MFSD2B: variants seen among roughly 807,000 people sequenced by gnomAD.
The protein encoded by MFSD2B is MFSD2 lysolipid transporter B, sphingolipid, also known as sphingosine-1-phosphate transporter MFSD2B.
Under a neutral mutation model 58.4 loss-of-function variants are expected in MFSD2B, and 56 were observed. That is an observed-to-expected ratio of 0.96 (90% confidence interval 0.77 to 1.20). The LOEUF (loss-of-function observed/expected upper bound fraction) is 1.20. Among genes scored for constraint, MFSD2B ranks in the 50% most tolerant of loss-of-function variants. MFSD2B has a pLI of 0.00. For synonymous variants in MFSD2B, 287 were observed against 294.4 expected (o/e 0.97, Z 0.26); for missense variants, 645 against 667.6 (o/e 0.97, Z 0.37).
chr2:24,014,324 T>C (rs1182474889), intron 2 of MFSD2B, among the ~76,000 whole-genome samples: 1 of 152,150 alleles, frequency 6.6e-6, no homozygotes, highest in African/African-American at 2.4e-5. Flanking sequence ...CAGCTAATTT[T>C]TGTGTTTTTA....
At chr2:24,013,140 G>T in intron 1 of MFSD2B, 145 bp from the exon 2 acceptor site, 2 of 680,970 alleles carry the variant, frequency 2.9e-6, no homozygotes, top group South Asian at 9.9e-5. Context: ...CTCTTAGGAT[G>T]ACATGGGGGC....
chr2:24,015,388 G>A (rs1709104318), intron 2 of MFSD2B, among the ~76,000 whole-genome samples: 1 of 152,090 alleles, frequency 6.6e-6, no homozygotes, highest in African/African-American at 2.4e-5. Context: ...AGAGGCAGTG[G>A]TTGCAGTGAG....
rs926169860 is a variant in MFSD2B at position 24,024,082 on chromosome 2, G to C, written c.1314-13G>C. The C allele has an allele frequency of 1.9e-6, 3 of 1,612,806 alleles. No homozygotes were observed. The South Asian group carries it at 3.3e-5, about 18-fold the overall frequency. ...GCAGGCCCTGCCCTAATGGCTGGCT[G>C]ATGTTTCTCCAGGTTCTCGGGGTAT... On this transcript the variant is annotated splice_polypyrimidine_tract_variant and intron_variant, in intron 12 of 13. Coordinates refer to ENST00000338315, the MANE Select transcript of MFSD2B (RefSeq NM_001346880.2). The surrounding 1 kb of genome is among the most constrained non-coding windows in gnomAD (Gnocchi z 4.3).
rs554403560 is a variant in MFSD2B at position 24,021,188 on chromosome 2, G to A, written c.682-460G>A. Among the ~76,000 whole-genome samples, 11 of 152,256 alleles carry A rather than the reference G, an allele frequency of 7.2e-5. No homozygotes were observed. Among genetic ancestry groups the A allele is most frequent in the Admixed American group, 2.6e-4 (4 of 15,286 alleles). On this transcript the variant is annotated intron_variant, in intron 6 of 13. Coordinates refer to ENST00000338315, the MANE Select transcript of MFSD2B (RefSeq NM_001346880.2). The surrounding 1 kb of genome is among the most constrained non-coding windows in gnomAD (Gnocchi z 5.7). ...GCTAGGATGACAGGCATGAGCCACCGCGCCCGGCCCTGCTTCCTCCATTAA... is the reference window on the plus strand; with the variant it reads ...GCTAGGATGACAGGCATGAGCCACCACGCCCGGCCCTGCTTCCTCCATTAA...
rs1244557147 is a variant in MFSD2B at position 24,012,506 on chromosome 2, A to G, written c.97-779A>G. Among the ~76,000 whole-genome samples the G allele has an allele frequency of 1.3e-5, 2 of 152,166 alleles. No individual in the cohort carries two copies. The highest frequency in any genetic ancestry group is 2.9e-5 in the Non-Finnish European group (2 of 68,032). On this transcript the variant is annotated intron_variant, in intron 1 of 13. Coordinates refer to ENST00000338315, the MANE Select transcript of MFSD2B (RefSeq NM_001346880.2). This position sits in a 1 kb window ranked among gnomAD's most constrained non-coding sequence, Gnocchi z 4.5. ...CAATCCACCTACCTCGGCCTCCCAA[A>G]GTGCTGGGTTTATAGGGATGAGCCA...
chr2:24,025,327 TG>T, intron 13 of MFSD2B, 104 bp from the exon 14 acceptor site: 1 of 990,780 alleles, frequency 1.0e-6, no homozygotes, highest in Non-Finnish European at 1.5e-6. Flanking sequence ...GAGGAGTTGC[TG>T]GGAAGACAAG....
chr2:24,018,848 G>A (rs1238286055), intron 6 of MFSD2B: 2 of 124,688 alleles, frequency 1.6e-5, no homozygotes, highest in Admixed American at 1.0e-4. Context: ...GGCCTTTTGT[G>A]CTTTTTTTTT....
At position 24,021,508 on chromosome 2, in the gene MFSD2B, G is replaced by C. The variant is rs1160062741; in HGVS notation, c.682-140G>C. 1 of 701,702 alleles carries C rather than the reference G, an allele frequency of 1.4e-6. No homozygotes were observed. Among genetic ancestry groups the C allele is most frequent in the Admixed American group, 2.3e-5 (1 of 43,610 alleles). The allele number at this position is 701,702 out of a possible 1,614,324, so 43.5% of individuals were successfully genotyped here. On this transcript the variant is annotated intron_variant, in intron 6 of 13. Transcript: ENST00000338315. This position sits in a 1 kb window ranked among gnomAD's most constrained non-coding sequence, Gnocchi z 5.7. Reference sequence around the variant, plus strand: ...AGCATGCTGTCCTGTGGGGTGATTGGGAGGTGGGGACCCAGCGTCCTGGGC... The same window carrying C: ...AGCATGCTGTCCTGTGGGGTGATTGCGAGGTGGGGACCCAGCGTCCTGGGC...
chr2:24,022,366 T>C lies in MFSD2B; in HGVS notation c.895-67T>C. On this transcript the variant is annotated intron_variant, in intron 8 of 13. Coordinates refer to ENST00000338315, the MANE Select transcript of MFSD2B (RefSeq NM_001346880.2). This position sits in a 1 kb window ranked among gnomAD's most constrained non-coding sequence, Gnocchi z 4.5. ...TGGAGATGCCAGACTCCAGACCCTG[T>C]CCTTGCCCTTGACTTCTGAGCTCCT... is the stretch of plus-strand genomic sequence containing the variant. The C allele has an allele frequency of 7.7e-7, 1 of 1,300,922 alleles. No individual in the cohort carries two copies. Among genetic ancestry groups the C allele is most frequent in the Non-Finnish European group, 1.1e-6 (1 of 912,880 alleles). 80.6% of individuals were successfully genotyped at this position (1,300,922 alleles called of 1,614,324 possible).
Position 24,022,952 on chromosome 2 carries a change from A to G in MFSD2B, c.1059+50A>G. 1 of 1,548,670 alleles carries G rather than the reference A, an allele frequency of 6.5e-7. No homozygotes were observed. The highest frequency in any genetic ancestry group is 8.8e-7 in the Non-Finnish European group (1 of 1,135,438). Reference sequence around the variant, plus strand: ...TGGGGGTGGCCGGAGGGGAGAGGTGAGCGAGGTGACCTTGGTGCCTGAGCC... The same window carrying G: ...TGGGGGTGGCCGGAGGGGAGAGGTGGGCGAGGTGACCTTGGTGCCTGAGCC... On this transcript the variant is annotated intron_variant, in intron 10 of 13. Coordinates refer to ENST00000338315, the MANE Select transcript of MFSD2B (RefSeq NM_001346880.2). This position sits in a 1 kb window ranked among gnomAD's most constrained non-coding sequence, Gnocchi z 4.5.
Position 24,023,187 on chromosome 2 carries a change from G to A in MFSD2B, c.1117G>A (p.Val373Ile), listed in dbSNP as rs1662862313. 2 of 1,613,682 alleles carry A rather than the reference G, an allele frequency of 1.2e-6. No homozygotes were observed. The highest frequency in any genetic ancestry group is 1.3e-5 in the African/African-American group (1 of 75,028). Residue 373 changes from valine to isoleucine, a missense_variant, in exon 11 of 14, where the codon GTC (valine) becomes ATC (isoleucine). Physicochemically the swap from Val to Ile is conservative, Grantham distance 29. Coordinates refer to ENST00000338315, the MANE Select transcript of MFSD2B (RefSeq NM_001346880.2). This position sits in a 1 kb window ranked among gnomAD's most constrained non-coding sequence, Gnocchi z 5.0. ...AAVPTAPVAY[V>I]VAFVSGVSIA... ...TGTGCCCACAGCACCTGTGGCATAT[G>A]TCGTGGCCTTTGTATCTGGCGTGAG...
Position 24,023,959 on chromosome 2 carries a change from ACTCCT to A in MFSD2B, c.1314-130_1314-126del, listed in dbSNP as rs1662892485. Reference sequence around the variant, plus strand: ...TCCCAGGTCAGCCTGTCACCTTGACACTCCTCTCCTGATCTGACCAGGAAATGAAG... The same window carrying A: ...TCCCAGGTCAGCCTGTCACCTTGACACTCCTGATCTGACCAGGAAATGAAG... On this transcript the variant is annotated intron_variant, in intron 12 of 13. Coordinates refer to ENST00000338315, the MANE Select transcript of MFSD2B (RefSeq NM_001346880.2). The surrounding 1 kb of genome is among the most constrained non-coding windows in gnomAD (Gnocchi z 5.0). The A allele has an allele frequency of 2.0e-6, 2 of 991,146 alleles. No homozygotes were observed. The highest frequency in any genetic ancestry group is 1.5e-6 in the Non-Finnish European group (1 of 675,964). 61.4% of individuals were successfully genotyped at this position (991,146 alleles called of 1,614,324 possible).
Position 24,024,265 on chromosome 2 carries a change from T to A in MFSD2B, c.1484T>A (p.Leu495His). ...PSRDASSRLS[L>H]RRRTSYSLA ...CGGGACGCCTCCAGCCGGCTGAGCC[T>A]TCGGAGGTAAGCCCCGCACGCCCCC... The change falls in exon 13 of 14, where the codon CTT becomes CAT. Residue 495 changes from leucine (L) to histidine (H), a missense_variant. Transcript: ENST00000338315. The surrounding 1 kb of genome is among the most constrained non-coding windows in gnomAD (Gnocchi z 4.3). The A allele has an allele frequency of 6.2e-7, 1 of 1,603,136 alleles. No homozygotes were observed. Among genetic ancestry groups the A allele is most frequent in the East Asian group, 2.3e-5 (1 of 44,356 alleles).
chr2:24,022,748 A>C lies in MFSD2B; in HGVS notation c.979-74A>C. On this transcript the variant is annotated intron_variant, in intron 9 of 13. Coordinates refer to ENST00000338315, the MANE Select transcript of MFSD2B (RefSeq NM_001346880.2). This position sits in a 1 kb window ranked among gnomAD's most constrained non-coding sequence, Gnocchi z 4.5. ...GGCCAAGGTCAGGCATCCAATCTAA[A>C]AGCCAAGGCCTTGGGGTCCCAGGCA... The C allele has an allele frequency of 3.3e-6, 4 of 1,198,824 alleles. No individual in the cohort carries two copies. The highest frequency in any genetic ancestry group is 4.6e-6 in the Non-Finnish European group (4 of 868,610). 74.3% of individuals were successfully genotyped at this position (1,198,824 alleles called of 1,614,324 possible).
Position 24,017,088 on chromosome 2 carries a change from T to C in MFSD2B, c.471+120T>C. 1 of 1,471,104 alleles carries C rather than the reference T, an allele frequency of 6.8e-7. No individual in the cohort carries two copies. Among genetic ancestry groups the C allele is most frequent in the Non-Finnish European group, 9.3e-7 (1 of 1,079,600 alleles). The allele number at this position is 1,471,104 out of a possible 1,614,324, so 91.1% of individuals were successfully genotyped here. On this transcript the variant is annotated intron_variant, in intron 4 of 13. Transcript: ENST00000338315. This position sits in a 1 kb window ranked among gnomAD's most constrained non-coding sequence, Gnocchi z 4.8. ...TCCCCACCCGCCTGTGCCTGGACCATGCCATTGGCACTCGCCAGCCTTGCG... is the reference window on the plus strand; with the variant it reads ...TCCCCACCCGCCTGTGCCTGGACCACGCCATTGGCACTCGCCAGCCTTGCG...
At chr2:24,015,487 T>C (rs1338635283) in intron 2 of MFSD2B, among the ~76,000 whole-genome samples, 3 of 151,954 alleles carry the variant, frequency 2.0e-5, no homozygotes, top group African/African-American at 4.8e-5. Context: ...AAATGAGGTA[T>C]CCACGAATGT....
Position 24,017,214 on chromosome 2 carries a change from C to T in MFSD2B, c.472-72C>T, listed in dbSNP as rs899043272. 1.4e-5 allele frequency: 21 copies of T among 1,473,580 alleles called. No individual in the cohort carries two copies. Among genetic ancestry groups the T allele is most frequent in the Admixed American group, 2.0e-5 (1 of 49,614 alleles). The allele number at this position is 1,473,580 out of a possible 1,614,324, so 91.3% of individuals were successfully genotyped here. A position where few individuals can be genotyped will look rare whatever the true frequency, so the allele number is the denominator to read the frequency against. Reference sequence around the variant, plus strand: ...GCCTGTGGGTGTCGGGATGTGACACCCAGGATGGGGGAGGTCGCCCGCTGT... The same window carrying T: ...GCCTGTGGGTGTCGGGATGTGACACTCAGGATGGGGGAGGTCGCCCGCTGT... On this transcript the variant is annotated intron_variant, in intron 4 of 13. Coordinates refer to ENST00000338315, the MANE Select transcript of MFSD2B (RefSeq NM_001346880.2). This position sits in a 1 kb window ranked among gnomAD's most constrained non-coding sequence, Gnocchi z 4.8.
chr2:24,023,580 C>T lies in MFSD2B; in HGVS notation c.1170-3C>T. 6.2e-7 allele frequency: 1 copy of T among 1,613,378 alleles called. No homozygotes were observed. The highest frequency in any genetic ancestry group is 8.5e-7 in the Non-Finnish European group (1 of 1,179,574). ...GAGGGCTAACTCCACACCCCCGCCG[C>T]AGGTCCATGCTGCCAGACGTGGTGG... On this transcript the variant is annotated splice_polypyrimidine_tract_variant and splice_region_variant and intron_variant, in intron 11 of 13. Transcript: ENST00000338315. The surrounding 1 kb of genome is among the most constrained non-coding windows in gnomAD (Gnocchi z 5.0).
chr2:24,022,267 G>A lies in MFSD2B; in HGVS notation c.895-166G>A, dbSNP rs1040787451. Reference sequence around the variant, plus strand: ...TGAGGGTGGCCTAGGAGTGGTGTTTGTATCTGTGTTGGGGATAAGTGTCCT... The same window carrying A: ...TGAGGGTGGCCTAGGAGTGGTGTTTATATCTGTGTTGGGGATAAGTGTCCT... On this transcript the variant is annotated intron_variant, in intron 8 of 13. Transcript: ENST00000338315. This position sits in a 1 kb window ranked among gnomAD's most constrained non-coding sequence, Gnocchi z 4.5. 6.6e-6 allele frequency among the ~76,000 whole-genome samples: 1 copy of A among 152,204 alleles called. No individual in the cohort carries two copies. The highest frequency in any genetic ancestry group is 1.5e-5 in the Non-Finnish European group (1 of 68,036).
Sources: gnomAD v4.1 joint callset for allele counts (sites outside exome capture counted in the v4.1 genomes callset) on GRCh38, gnomAD v4.1.1 for gene constraint, Gnocchi (gnomAD v3.1) non-coding constraint, MANE v1.5 for transcripts, NCBI Gene and HGNC (gene_info 2026-07-23, HGNC 2026-07-21) for gene names.